The following IQSEC1 variants were observed in gnomAD, a reference collection of about 807,000 sequenced individuals.
IQSEC1 encodes the protein IQ motif and Sec7 domain ArfGEF 1.
A neutral mutation model predicts 91.0 loss-of-function variants in IQSEC1; 31 were observed. The observed-to-expected ratio is 0.34, with a 90% CI of 0.26 to 0.46. The LOEUF (loss-of-function observed/expected upper bound fraction) is 0.46. IQSEC1 is among the 20% of genes least tolerant of loss of function. The pLI, the probability that IQSEC1 is intolerant of heterozygous loss-of-function variation, is 1.00. For synonymous variants in IQSEC1, 699 were observed against 662.6 expected (o/e 1.05, Z -0.84); for missense variants, 1,388 against 1,575.6 (o/e 0.88, Z 2.02).
Position 12,922,206 on chromosome 3 carries a change from C to T in IQSEC1, c.1767G>A (p.Glu589=). The change falls in exon 5 of 14, where the codon GAG becomes GAA. Residue 589 remains glutamate (E), a synonymous_variant. Coordinates refer to ENST00000613206, the MANE Select transcript of IQSEC1 (RefSeq NM_001134382.3). This position sits in a 1 kb window ranked among gnomAD's most constrained non-coding sequence, Gnocchi z 5.1. The part of the protein sequence containing the change: ...VVDEMDFSTM[E]LDEALRKFQA... Reference sequence around the variant, plus strand: ...GGAATTTCCTGAGGGCCTCATCCAGCTCCATGGTAGAGAAGTCCATCTCGT... The same window carrying T: ...GGAATTTCCTGAGGGCCTCATCCAGTTCCATGGTAGAGAAGTCCATCTCGT... 1 of 1,607,948 alleles carries T rather than the reference C, an allele frequency of 6.2e-7. No homozygotes were observed. The highest frequency in any genetic ancestry group is 8.5e-7 in the Non-Finnish European group (1 of 1,176,148).
At chr3:13,198,664 C>T (rs1266184325) in intron 1 of IQSEC1, among the ~76,000 whole-genome samples, 2 of 152,294 alleles carry the variant, frequency 1.3e-5, no homozygotes, top group Middle Eastern at 3.4e-3. Context: ...GCTCTCATGC[C>T]GGCTGGCTGC....
chr3:13,167,204 T>A (rs929219171), intron 1 of IQSEC1, among the ~76,000 whole-genome samples: 1 of 152,114 alleles, frequency 6.6e-6, no homozygotes, highest in South Asian at 2.1e-4. Context: ...AACAGGATGA[T>A]CCCCGATGCT....
intron 1 of IQSEC1, among the ~76,000 whole-genome samples, chr3:13,170,998 G>T (rs751071424): frequency 1.4e-4 from 22 of 152,104 alleles, no homozygotes; most frequent in Non-Finnish European, 3.1e-4. Context: ...TACTTGGGAG[G>T]CTGAGGCAGG....
At chr3:13,121,310 G>A (rs1706419136) in intron 2 of IQSEC1, among the ~76,000 whole-genome samples, 1 of 152,158 alleles carries the variant, frequency 6.6e-6, no homozygotes, top group Admixed American at 6.5e-5. Context: ...TGTTACATCT[G>A]TCTCACCTCC....
rs3856818 is a variant in IQSEC1, at chr3:13,103,144, A to G, written c.303-55622T>C. On this transcript the variant is annotated intron_variant, in intron 2 of 15. Transcript: ENST00000648114. This position sits in a 1 kb window ranked among gnomAD's most constrained non-coding sequence, Gnocchi z 4.1. Reference sequence around the variant, plus strand: ...CTCTGCCCCAGCCCCTCCCTGGCCCATGTCCCCGGCTGGCCCCAGGCAGGT... The same window carrying G: ...CTCTGCCCCAGCCCCTCCCTGGCCCGTGTCCCCGGCTGGCCCCAGGCAGGT... Among the ~76,000 whole-genome samples, 16,798 of 151,880 alleles carry G rather than the reference A, an allele frequency of 0.11. 1,204 individuals carry two copies. The highest frequency in any genetic ancestry group is 0.23 in the East Asian group (1,172 of 5,084).
chr3:13,044,618 T>C (rs1474816680), intron 1 of IQSEC1, among the ~76,000 whole-genome samples: 1 of 152,060 alleles, frequency 6.6e-6, no homozygotes, highest in Non-Finnish European at 1.5e-5. Context: ...ATCTGCCGAG[T>C]GTGATGAGCC....
intron 1 of IQSEC1, among the ~76,000 whole-genome samples, chr3:13,249,733 C>T (rs985087624): frequency 6.6e-6 from 1 of 152,060 alleles, no homozygotes; most frequent in African/African-American, 2.4e-5. Context: ...TCAAGGGGAG[C>T]GTAAGGTGAG....
intron 1 of IQSEC1, among the ~76,000 whole-genome samples, chr3:13,206,330 G>C (rs1282298846): frequency 6.6e-6 from 1 of 152,288 alleles, no homozygotes; most frequent in African/African-American, 2.4e-5. Context: ...GGGGGGCGCT[G>C]TACAGATACT....
intron 1 of IQSEC1, among the ~76,000 whole-genome samples, chr3:13,205,632 CTCCA>C (rs571063315): frequency 5.2e-4 from 79 of 150,830 alleles, no homozygotes; most frequent in Non-Finnish European, 1.1e-3. Flanking sequence ...CCATACATCC[CTCCA>C]TCCATCCATC....
At chr3:12,912,868 C>T (rs911705744) in intron 9 of IQSEC1, among the ~76,000 whole-genome samples, 2 of 152,186 alleles carry the variant, frequency 1.3e-5, no homozygotes, top group African/African-American at 4.8e-5. Context: ...AAACCTCCAG[C>T]CCTTGTTTCC....
intron 1 of IQSEC1, among the ~76,000 whole-genome samples, chr3:12,952,118 G>A (rs1201089915): frequency 6.6e-6 from 1 of 152,168 alleles, no homozygotes; most frequent in Non-Finnish European, 1.5e-5. Context: ...GAGAAGGTGG[G>A]GGTCAGGAGG....
rs568786000 is a variant in IQSEC1, at chr3:13,107,848, C to T, written c.302+56256G>A. ...TCAGGCCAGCCATACATGTCCGGAA[C>T]GCCCAGCGGCCTGCTCCCTCCCCAG... is the stretch of plus-strand genomic sequence containing the variant. On this transcript the variant is annotated intron_variant, in intron 2 of 15. Transcript: ENST00000648114. Among the ~76,000 whole-genome samples, 3 of 152,322 alleles carry T rather than the reference C, an allele frequency of 2.0e-5. No homozygotes were observed. In the South Asian group the frequency reaches 6.2e-4, roughly 32 times the overall value.
chr3:12,942,611 AAAAG>A (rs1173316068), intron 1 of IQSEC1, among the ~76,000 whole-genome samples: 1 of 152,122 alleles, frequency 6.6e-6, no homozygotes, highest in African/African-American at 2.4e-5. Flanking sequence ...TCTAAAAAAA[AAAAG>A]AAAAGCCCCA....
At chr3:13,006,663 C>T (rs9848104) in intron 1 of IQSEC1, among the ~76,000 whole-genome samples, 2,468 of 152,354 alleles carry the variant, frequency 0.016, 64 homozygotes, top group African/African-American at 0.048. Flanking sequence ...GAAACACACG[C>T]GCACACAGCC....
At chr3:13,129,765 C>T (rs1706579796) in intron 2 of IQSEC1, among the ~76,000 whole-genome samples, 1 of 148,410 alleles carries the variant, frequency 6.7e-6, no homozygotes, top group Non-Finnish European at 1.5e-5. Flanking sequence ...TCATGCCATT[C>T]TCCTGCCTCA....
At chr3:13,085,706 G>A (rs534783546) in intron 2 of IQSEC1, among the ~76,000 whole-genome samples, 3 of 152,306 alleles carry the variant, frequency 2.0e-5, no homozygotes, top group African/African-American at 7.2e-5. Context: ...AAGCCTTCAG[G>A]CCCACGTGCT....
At chr3:13,113,617 G>A (rs1046523565) in intron 2 of IQSEC1, among the ~76,000 whole-genome samples, 6 of 152,196 alleles carry the variant, frequency 3.9e-5, no homozygotes, top group South Asian at 2.1e-4. Context: ...CCTCTGGGAG[G>A]GGAGGAGAAG....
Position 12,998,636 on chromosome 3 carries a change from A to T in IQSEC1, c.24-56771T>A, listed in dbSNP as rs188677313. ...GGTCCCTCTTAAAAAAATTTTTTTT[A>T]AATAAAAATAAAAATCTGGAATTAA... is the stretch of plus-strand genomic sequence containing the variant. On this transcript the variant is annotated intron_variant, in intron 1 of 13. Coordinates refer to ENST00000613206, the MANE Select transcript of IQSEC1 (RefSeq NM_001134382.3). Among the ~76,000 whole-genome samples, 8 of 152,198 alleles carry T rather than the reference A, an allele frequency of 5.3e-5. No homozygotes were observed. The South Asian group carries it at 1.0e-3, about 20-fold the overall frequency.
intron 2 of IQSEC1, among the ~76,000 whole-genome samples, chr3:13,119,898 T>C (rs1381825457): frequency 6.6e-6 from 1 of 151,960 alleles, no homozygotes; most frequent in East Asian, 1.9e-4. Context: ...TGGAAGGCCG[T>C]CCACACTCTG....
Sources: allele counts gnomAD v4.1 joint callset (sites outside exome capture counted in the v4.1 genomes callset), GRCh38; gene constraint gnomAD v4.1.1; non-coding constraint Gnocchi (gnomAD v3.1); transcripts MANE v1.5; gene names NCBI Gene and HGNC (gene_info 2026-07-23, HGNC 2026-07-21).